The following PDZRN4 variants were observed in gnomAD, a reference collection of about 807,000 sequenced individuals.
PDZRN4 encodes PDZ domain containing ring finger 4, also known as PDZ domain-containing RING finger protein 4.
PDZRN4 carries 70 observed loss-of-function variants against 99.0 expected under a neutral mutation model. The ratio of observed to expected loss-of-function variants is 0.71; its 90% CI spans 0.58 to 0.86. The LOEUF is 0.86. Among genes scored for constraint, PDZRN4 ranks in the 40% least tolerant of loss-of-function variants. PDZRN4 has a pLI of 0.00. For synonymous variants in PDZRN4, 551 were observed against 501.6 expected (o/e 1.10, Z -1.32); for missense variants, 1,474 against 1,331.2 (o/e 1.11, Z -1.67).
intron 3 of PDZRN4, among the ~76,000 whole-genome samples, chr12:41,465,251 C>T (rs1952913526): frequency 6.6e-6 from 1 of 152,182 alleles, no homozygotes; most frequent in African/African-American, 2.4e-5. Flanking sequence ...CATGGTTTGC[C>T]CTTTGTGTTG....
intron 3 of PDZRN4, among the ~76,000 whole-genome samples, chr12:41,443,798 A>C (rs916062665): frequency 1.3e-5 from 2 of 152,152 alleles, no homozygotes; most frequent in African/African-American, 4.8e-5. Context: ...GTGTGTTCTG[A>C]AAAGGAAGAG....
At chr12:41,482,375 T>C (rs140103497) in intron 3 of PDZRN4, among the ~76,000 whole-genome samples, 179 of 152,222 alleles carry the variant, frequency 1.2e-3, no homozygotes, top group African/African-American at 4.2e-3. Context: ...ATCTGAAATA[T>C]TTAGTTTAGG....
chr12:41,198,439 T>C (rs984730808), intron 3 of PDZRN4, among the ~76,000 whole-genome samples: 1 of 152,116 alleles, frequency 6.6e-6, no homozygotes, highest in Non-Finnish European at 1.5e-5. Flanking sequence ...GTGGAATCTT[T>C]GAGATGAATA....
At chr12:41,541,074 A>G (rs572744959) in intron 5 of PDZRN4, among the ~76,000 whole-genome samples, 195 of 151,850 alleles carry the variant, frequency 1.3e-3, no homozygotes, top group African/African-American at 4.4e-3. Flanking sequence ...ACAGGCACCC[A>G]CCACCATGCC....
At chr12:41,507,301 C>G (rs1415902305) in intron 4 of PDZRN4, among the ~76,000 whole-genome samples, 1 of 152,090 alleles carries the variant, frequency 6.6e-6, no homozygotes, top group Non-Finnish European at 1.5e-5. Flanking sequence ...AATACTTCCT[C>G]CTGATTTTTG....
intron 3 of PDZRN4, among the ~76,000 whole-genome samples, chr12:41,308,432 A>G (rs1951585753): frequency 6.6e-6 from 1 of 152,158 alleles, no homozygotes; most frequent in South Asian, 2.1e-4. Flanking sequence ...CATTATTCAT[A>G]TGTGTAAAAA....
chr12:41,458,626 G>GTTT (rs1952839717), intron 3 of PDZRN4, among the ~76,000 whole-genome samples: 14 of 152,290 alleles, frequency 9.2e-5, no homozygotes, highest in Admixed American at 8.5e-4. Flanking sequence ...ATGAAGTAAG[G>GTTT]AGCTTTGCAC....
intron 3 of PDZRN4, among the ~76,000 whole-genome samples, chr12:41,198,008 G>A (rs528107524): frequency 2.7e-5 from 4 of 145,782 alleles, no homozygotes; most frequent in South Asian, 2.2e-4. Flanking sequence ...TCTACCTCTG[G>A]GACTCAAGGT....
chr12:41,377,531 A>G (rs1952091060), intron 3 of PDZRN4, among the ~76,000 whole-genome samples: 2 of 152,088 alleles, frequency 1.3e-5, no homozygotes, highest in African/African-American at 2.4e-5. Flanking sequence ...CGGGCATGGC[A>G]GCATGCACCT....
At chr12:41,219,779 T>C (rs1950941946) in intron 3 of PDZRN4, among the ~76,000 whole-genome samples, 1 of 152,156 alleles carries the variant, frequency 6.6e-6, no homozygotes, top group Non-Finnish European at 1.5e-5. Context: ...TAAATGCATA[T>C]CTCAAAGCTG....
At chr12:41,560,751 G>T (rs1185579444) in intron 7 of PDZRN4, among the ~76,000 whole-genome samples, 1 of 152,144 alleles carries the variant, frequency 6.6e-6, no homozygotes, top group African/African-American at 2.4e-5. Flanking sequence ...AGCAACCGAA[G>T]GTTGAAAGCT....
intron 3 of PDZRN4, among the ~76,000 whole-genome samples, chr12:41,279,107 C>A (rs370304073): frequency 2.0e-5 from 3 of 152,174 alleles, no homozygotes; most frequent in Non-Finnish European, 4.4e-5. Context: ...ACCAGTTACA[C>A]GCAGGGTTCG....
intron 5 of PDZRN4, among the ~76,000 whole-genome samples, chr12:41,521,826 G>T (rs916616793): frequency 1.3e-5 from 2 of 152,046 alleles, no homozygotes. Flanking sequence ...CTGTGTAATT[G>T]TCAAGAGGAT....
intron 3 of PDZRN4, among the ~76,000 whole-genome samples, chr12:41,264,361 A>G (rs1330300508): frequency 5.3e-5 from 8 of 152,168 alleles, no homozygotes; most frequent in African/African-American, 1.9e-4. Flanking sequence ...TTAGAATTGA[A>G]CTTAGTCATA....
At chr12:41,346,047 C>A (rs1351763102) in intron 3 of PDZRN4, among the ~76,000 whole-genome samples, 1 of 152,062 alleles carries the variant, frequency 6.6e-6, no homozygotes, top group Non-Finnish European at 1.5e-5. Context: ...TTGAAATGAT[C>A]AATTTCCAAT....
chr12:41,447,399 A>G (rs1288906561), intron 3 of PDZRN4, among the ~76,000 whole-genome samples: 1 of 152,152 alleles, frequency 6.6e-6, no homozygotes, highest in African/African-American at 2.4e-5. Context: ...CACACTAAAT[A>G]TCAAGCATAG....
chr12:41,244,727 G>C (rs564732547), intron 3 of PDZRN4, among the ~76,000 whole-genome samples: 1 of 142,286 alleles, frequency 7.0e-6, no homozygotes, highest in African/African-American at 2.7e-5. Flanking sequence ...GCCCAGGCCA[G>C]ACTGCGGACT....
chr12:41,398,594 A>C (rs888396363), intron 3 of PDZRN4, among the ~76,000 whole-genome samples: 1 of 152,162 alleles, frequency 6.6e-6, no homozygotes, highest in Non-Finnish European at 1.5e-5. Flanking sequence ...ATGACTTACA[A>C]ATGCTGCAAG....
chr12:41,274,545 G>A (rs1951337423), intron 3 of PDZRN4, among the ~76,000 whole-genome samples: 1 of 152,224 alleles, frequency 6.6e-6, no homozygotes, highest in South Asian at 2.1e-4. Context: ...TAGATGCTCA[G>A]GGATATTAGA....
Sources: allele counts gnomAD v4.1 joint callset (sites outside exome capture counted in the v4.1 genomes callset), GRCh38; gene constraint gnomAD v4.1.1; transcripts MANE v1.5; gene names NCBI Gene and HGNC (gene_info 2026-07-23, HGNC 2026-07-21).